Variants in DPP6 observed in about 807,000 individuals in gnomAD.
The protein encoded by DPP6 is A-type potassium channel modulatory protein DPP6.
DPP6 carries 69 observed loss-of-function variants against 122.6 expected under a neutral mutation model. The observed-to-expected ratio is 0.56, with a 90% CI of 0.46 to 0.69. DPP6 has a LOEUF of 0.69. Ranked by LOEUF, DPP6 falls within the 30% of genes least tolerant of loss-of-function variation. The pLI, the probability that DPP6 is intolerant of heterozygous loss-of-function variation, is 0.00. For missense variants in DPP6, 928 were observed against 1,116.9 expected (o/e 0.83, Z 2.41); for synonymous variants, 418 against 433.1 (o/e 0.97, Z 0.43).
intron 1 of DPP6, among the ~76,000 whole-genome samples, chr7:154,060,750 G>A (rs1024513446): frequency 1.0e-3 from 123 of 119,198 alleles, no homozygotes; most frequent in Middle Eastern, 5.4e-3. Context: ...CAGGGACTGA[G>A]AGCCAGTCCC....
chr7:154,351,602 G>T (rs1393582916), intron 1 of DPP6, among the ~76,000 whole-genome samples: 1 of 152,134 alleles, frequency 6.6e-6, no homozygotes, highest in East Asian at 1.9e-4. Flanking sequence ...ATCTAGCAGG[G>T]TGTACCCTGT....
chr7:154,847,460 T>G (rs1368357771), intron 16 of DPP6, among the ~76,000 whole-genome samples: 1 of 152,196 alleles, frequency 6.6e-6, no homozygotes, highest in Non-Finnish European at 1.5e-5. Flanking sequence ...TTGTTTTTTT[T>G]TGTACTCAAC....
At position 154,872,691 on chromosome 7, in the gene DPP6, G is replaced by A. The variant is rs374452191; in HGVS notation, c.1881G>A (p.Val627=). The part of the protein sequence containing the change: ...TDTTHYPLLL[V]VDGTPGSQSV... ...CCACCCACTACCCTCTGCTCCTGGT[G>A]GTGTAAGTATCGTCACATCTGTCTT... The change falls in exon 19 of 26, where the codon GTG becomes GTA. Residue 627 remains valine (V), a splice_region_variant and synonymous_variant. Transcript: ENST00000377770. 52 of 1,594,134 alleles carry A rather than the reference G, an allele frequency of 3.3e-5. No homozygotes were observed. In the African/African-American group the frequency reaches 6.0e-4, roughly 18 times the overall value.
rs796798929 is a variant in DPP6 at position 154,241,219 on chromosome 7, GTATA to G, written c.243+188165_243+188168del. 1.1e-4 allele frequency among the ~76,000 whole-genome samples: 16 copies of G among 142,868 alleles called. No homozygotes were observed. The highest frequency in any genetic ancestry group is 1.0e-3 in the East Asian group (5 of 4,992). The allele number at this position is 142,868 out of a possible 152,430, so 93.7% of individuals were successfully genotyped here. ...TGTGTGTGTGTGTGTGTGTGTGTGT[GTATA>G]TATATATAGAGAGAGAGAGAGACAC... On this transcript the variant is annotated intron_variant, in intron 1 of 25. Coordinates refer to ENST00000377770, the MANE Select transcript of DPP6 (RefSeq NM_130797.4). This position sits in a 1 kb window ranked among gnomAD's most constrained non-coding sequence, Gnocchi z 9.0.
intron 18 of DPP6, among the ~76,000 whole-genome samples, chr7:154,871,033 C>T (rs1422540958): frequency 1.3e-5 from 2 of 151,776 alleles, no homozygotes; most frequent in East Asian, 1.9e-4. Flanking sequence ...CCCGGCATGT[C>T]TCTGAAGCTC....
chr7:153,954,266 A>G (rs761572453), intron 1 of DPP6, among the ~76,000 whole-genome samples: 1 of 152,238 alleles, frequency 6.6e-6, no homozygotes, highest in Non-Finnish European at 1.5e-5. Context: ...CAAAATATAC[A>G]TTAGTTGAAT....
chr7:154,262,751 G>A (rs4725533), intron 1 of DPP6, among the ~76,000 whole-genome samples: 37,416 of 151,648 alleles, frequency 0.25, 5,173 homozygotes, highest in Non-Finnish European at 0.31. Flanking sequence ...AGTGATATTT[G>A]TAGGCAATAA....
At chr7:154,139,810 A>G (rs920997997) in intron 1 of DPP6, among the ~76,000 whole-genome samples, 8 of 152,184 alleles carry the variant, frequency 5.3e-5, no homozygotes, top group Non-Finnish European at 8.8e-5. Context: ...GAGCACTACA[A>G]CTAAGAAGTC....
At chr7:154,812,223 A>G (rs1468057741) in intron 16 of DPP6, among the ~76,000 whole-genome samples, 3 of 152,226 alleles carry the variant, frequency 2.0e-5, no homozygotes, top group African/African-American at 7.2e-5. Flanking sequence ...TCATGAAATT[A>G]TAACTGTTTC....
At chr7:154,510,450 A>G (rs961295063) in intron 3 of DPP6, among the ~76,000 whole-genome samples, 2 of 152,224 alleles carry the variant, frequency 1.3e-5, no homozygotes, top group Non-Finnish European at 2.9e-5. Flanking sequence ...CTGTAATCCC[A>G]GCACCTTGGG....
At chr7:153,843,318 A>G in the DPP6 span, among the ~76,000 whole-genome samples, 1 of 152,134 alleles carries the variant, frequency 6.6e-6, no homozygotes, top group Non-Finnish European at 1.5e-5. Context: ...TCTCTATACC[A>G]AAAGCTAACA....
the DPP6 span, among the ~76,000 whole-genome samples, chr7:153,783,682 A>G: frequency 6.6e-6 from 1 of 152,246 alleles, no homozygotes; most frequent in Non-Finnish European, 1.5e-5. Context: ...AAAAACTTAC[A>G]TGTGCTGATG....
intron 3 of DPP6, among the ~76,000 whole-genome samples, chr7:154,491,957 A>G (rs1824314539): frequency 6.6e-6 from 1 of 152,190 alleles, no homozygotes; most frequent in Non-Finnish European, 1.5e-5. Flanking sequence ...CAAGGATCCC[A>G]TAATGTTACC....
chr7:153,885,278 T>G (rs1319064691), upstream of DPP6, among the ~76,000 whole-genome samples: 5 of 152,118 alleles, frequency 3.3e-5, no homozygotes, highest in Non-Finnish European at 1.5e-5. Flanking sequence ...TGACCTGTAC[T>G]CTAAGTGTTC....
At chr7:153,782,077 G>A in the DPP6 span, among the ~76,000 whole-genome samples, 3 of 150,326 alleles carry the variant, frequency 2.0e-5, no homozygotes, top group African/African-American at 7.4e-5. Flanking sequence ...AGACACCATG[G>A]TTTTCTCTTC....
At chr7:154,160,258 C>T (rs1400848372) in intron 1 of DPP6, among the ~76,000 whole-genome samples, 1 of 152,092 alleles carries the variant, frequency 6.6e-6, no homozygotes, top group Non-Finnish European at 1.5e-5. Context: ...CATCCTGAAT[C>T]AATAGTCAAG....
intron 10 of DPP6, among the ~76,000 whole-genome samples, chr7:154,782,911 A>G (rs1262929179): frequency 6.6e-6 from 1 of 151,998 alleles, no homozygotes; most frequent in African/African-American, 2.4e-5. Flanking sequence ...AGCCCCCTGA[A>G]TAGCTGGGAT....
At chr7:154,145,331 G>C (rs1796035708) in intron 1 of DPP6, among the ~76,000 whole-genome samples, 1 of 152,148 alleles carries the variant, frequency 6.6e-6, no homozygotes, top group South Asian at 2.1e-4. Context: ...GGTGCCTCTA[G>C]CTGAGAGCTA....
intron 1 of DPP6, among the ~76,000 whole-genome samples, chr7:154,138,073 C>T (rs535632495): frequency 1.2e-4 from 19 of 152,300 alleles, no homozygotes; most frequent in African/African-American, 4.6e-4. Flanking sequence ...GCTTCTGCTC[C>T]CAATCTGCTT....
Sources: gnomAD v4.1 joint callset for allele counts (sites outside exome capture counted in the v4.1 genomes callset) on GRCh38, gnomAD v4.1.1 for gene constraint, Gnocchi (gnomAD v3.1) non-coding constraint, MANE v1.5 for transcripts, NCBI Gene and HGNC (gene_info 2026-07-23, HGNC 2026-07-21) for gene names.